The following GRIA1 variants were observed in gnomAD, a reference collection of about 807,000 sequenced individuals.
GRIA1 encodes glutamate receptor 1.
A neutral mutation model predicts 99.2 loss-of-function variants in GRIA1; 31 were observed. That is an observed-to-expected ratio of 0.31 (90% CI 0.23 to 0.42). The LOEUF (loss-of-function observed/expected upper bound fraction) is 0.42. GRIA1 is among the 10% of genes least tolerant of loss of function. The pLI is 1.00. For missense variants in GRIA1, 782 were observed against 1,157.5 expected (o/e 0.68, Z 4.71); for synonymous variants, 438 against 432.4 (o/e 1.01, Z -0.16).
intron 2 of GRIA1, among the ~76,000 whole-genome samples, chr5:153,498,543 T>G (rs1196777076): frequency 6.6e-6 from 1 of 152,198 alleles, no homozygotes; most frequent in Non-Finnish European, 1.5e-5. Flanking sequence ...TGGGATGCCC[T>G]CTGTCATGGA....
chr5:153,694,609 C>T (rs1429086758), intron 8 of GRIA1, among the ~76,000 whole-genome samples: 1 of 152,192 alleles, frequency 6.6e-6, no homozygotes, highest in East Asian at 1.9e-4. Flanking sequence ...TTGTTACATC[C>T]ACTCTACAGA....
intron 2 of GRIA1, among the ~76,000 whole-genome samples, chr5:153,539,567 G>A (rs908272368): frequency 6.6e-6 from 1 of 152,180 alleles, no homozygotes. Flanking sequence ...TCACCTTCTT[G>A]TACCTCAATT....
At chr5:153,531,563 A>G (rs1239470894) in intron 2 of GRIA1, among the ~76,000 whole-genome samples, 8 of 152,236 alleles carry the variant, frequency 5.3e-5, no homozygotes, top group African/African-American at 1.9e-4. Flanking sequence ...GACCACAGAT[A>G]TATTTTATTT....
At chr5:153,736,038 C>G (rs941386486) in intron 11 of GRIA1, among the ~76,000 whole-genome samples, 1 of 152,094 alleles carries the variant, frequency 6.6e-6, no homozygotes, top group African/African-American at 2.4e-5. Context: ...CATCAGCATA[C>G]AGTATTTAAA....
At chr5:153,657,122 G>T (rs1755016320) in intron 5 of GRIA1, among the ~76,000 whole-genome samples, 1 of 152,082 alleles carries the variant, frequency 6.6e-6, no homozygotes, top group African/African-American at 2.4e-5. Flanking sequence ...GCACATTTGG[G>T]TTGTTTTCAC....
intron 13 of GRIA1, among the ~76,000 whole-genome samples, chr5:153,786,314 C>T (rs1204952093): frequency 6.6e-6 from 1 of 152,036 alleles, no homozygotes; most frequent in Non-Finnish European, 1.5e-5. Context: ...GACTACACTC[C>T]TCGGGTGGGG....
intron 13 of GRIA1, among the ~76,000 whole-genome samples, chr5:153,771,213 T>C (rs1763861809): frequency 6.6e-6 from 1 of 152,226 alleles, no homozygotes; most frequent in Non-Finnish European, 1.5e-5. Context: ...GTTCAAATGG[T>C]ATAATTTATG....
At chr5:153,674,307 G>A (rs1262305228) in intron 5 of GRIA1, among the ~76,000 whole-genome samples, 193 bp from the exon 6 acceptor site, 1 of 152,122 alleles carries the variant, frequency 6.6e-6, no homozygotes, top group Non-Finnish European at 1.5e-5. Flanking sequence ...TAGGCATACT[G>A]GCTCCTGAGC....
intron 5 of GRIA1, among the ~76,000 whole-genome samples, chr5:153,659,638 G>T (rs1018857200): frequency 6.6e-6 from 1 of 152,212 alleles, no homozygotes; most frequent in African/African-American, 2.4e-5. Flanking sequence ...TTTCTGTAGA[G>T]CCAGTTTGGA....
chr5:153,721,000 T>C (rs189801523), intron 11 of GRIA1, among the ~76,000 whole-genome samples: 28 of 152,196 alleles, frequency 1.8e-4, no homozygotes, highest in Admixed American at 9.2e-4. Context: ...ATAGGAGAGA[T>C]AGACATTGGT....
At chr5:153,493,307 T>C (rs1354165812) in intron 1 of GRIA1, among the ~76,000 whole-genome samples, 1 of 152,184 alleles carries the variant, frequency 6.6e-6, no homozygotes, top group African/African-American at 2.4e-5. Flanking sequence ...AGCAAAACAT[T>C]GTTTGCAGAA....
At chr5:153,764,851 T>A (rs1364341980) in intron 12 of GRIA1, among the ~76,000 whole-genome samples, 1 of 152,174 alleles carries the variant, frequency 6.6e-6, no homozygotes, top group East Asian at 1.9e-4. Flanking sequence ...CTGCATTGAT[T>A]TGGATCCCTT....
chr5:153,589,784 A>T (rs976718170), intron 2 of GRIA1, among the ~76,000 whole-genome samples: 3 of 152,196 alleles, frequency 2.0e-5, no homozygotes. Flanking sequence ...TTGATACAGA[A>T]ATAATGCATA....
At chr5:153,665,793 A>C (rs1347236957) in intron 5 of GRIA1, among the ~76,000 whole-genome samples, 1 of 152,206 alleles carries the variant, frequency 6.6e-6, no homozygotes. Flanking sequence ...ACAGATAAAA[A>C]GCAGAGCTAC....
intron 2 of GRIA1, among the ~76,000 whole-genome samples, chr5:153,596,254 A>G (rs1366693779): frequency 1.3e-5 from 2 of 152,240 alleles, no homozygotes; most frequent in South Asian, 2.1e-4. Flanking sequence ...TTTAAAAATT[A>G]TCAAATCAGA....
At chr5:153,543,400 A>G (rs1385262367) in intron 2 of GRIA1, among the ~76,000 whole-genome samples, 2 of 152,176 alleles carry the variant, frequency 1.3e-5, no homozygotes, top group African/African-American at 2.4e-5. Flanking sequence ...CATCCTTTTG[A>G]CTTCTTTTAG....
At chr5:153,795,027 G>A (rs959229992) in intron 14 of GRIA1, among the ~76,000 whole-genome samples, 6 of 152,062 alleles carry the variant, frequency 3.9e-5, no homozygotes, top group African/African-American at 7.2e-5. Flanking sequence ...TTCCAGAAAT[G>A]TTCCACCTCC....
At chr5:153,754,504 C>T (rs1185149826) in intron 11 of GRIA1, among the ~76,000 whole-genome samples, 2 of 152,146 alleles carry the variant, frequency 1.3e-5, no homozygotes, top group African/African-American at 4.8e-5. Flanking sequence ...TAAAAGAGAA[C>T]AGGGAAGAAG....
intron 5 of GRIA1, among the ~76,000 whole-genome samples, chr5:153,664,561 C>A (rs1581428056): frequency 6.6e-6 from 1 of 151,996 alleles, no homozygotes; most frequent in Non-Finnish European, 1.5e-5. Context: ...CTTCCCTGAG[C>A]TCCAAGATCA....
Sources: gnomAD v4.1 joint callset for allele counts (sites outside exome capture counted in the v4.1 genomes callset) on GRCh38, gnomAD v4.1.1 for gene constraint, MANE v1.5 for transcripts, NCBI Gene and HGNC (gene_info 2026-07-23, HGNC 2026-07-21) for gene names.